Variants in LEMD3 observed in about 807,000 individuals in gnomAD.
The protein encoded by LEMD3 is inner nuclear membrane protein Man1.
A neutral mutation model predicts 95.2 loss-of-function variants in LEMD3; 33 were observed. That is an observed-to-expected ratio of 0.35 (90% CI 0.26 to 0.46). The LOEUF (loss-of-function observed/expected upper bound fraction) is 0.46. LEMD3 is among the 20% of genes least tolerant of loss of function. The pLI is 1.00. For missense variants in LEMD3, 1,210 were observed against 1,192.8 expected (o/e 1.01, Z -0.21); for synonymous variants, 525 against 474.6 (o/e 1.11, Z -1.38).
Position 65,223,142 on chromosome 12 carries a change from T to A in LEMD3, c.1695+4523T>A, listed in dbSNP as rs566018071. ...GGGTGGAATTTTCTGTATATTTCTG[T>A]TAGATCCATTTGATCTATAATTGTT... On this transcript the variant is annotated intron_variant, in intron 4 of 12. Transcript: ENST00000308330. 4.6e-5 allele frequency among the ~76,000 whole-genome samples: 7 copies of A among 152,234 alleles called. No individual in the cohort carries two copies. In the South Asian group the frequency reaches 1.5e-3, roughly 32 times the overall value.
chr12:65,195,448 G>A (rs1424107232), intron 1 of LEMD3, among the ~76,000 whole-genome samples: 2 of 150,376 alleles, frequency 1.3e-5, no homozygotes, highest in African/African-American at 4.9e-5. Context: ...AGATGGCTAC[G>A]CTTCTTATTG....
Position 65,169,908 on chromosome 12 carries a change from T to C in LEMD3, c.312T>C (p.Pro104=). Residue 104 remains proline (P), a synonymous_variant, in exon 1 of 13, where the codon CCT becomes CCC. Coordinates refer to ENST00000308330, the MANE Select transcript of LEMD3 (RefSeq NM_014319.5). The part of the protein sequence containing the change: ...VSGDLSYLRT[P]GGLCRISASG... ...GCGACCTCTCCTACTTACGGACTCC[T>C]GGGGGCCTGTGCCGAATCTCGGCCT... 1 of 1,451,710 alleles carries C rather than the reference T, an allele frequency of 6.9e-7. No homozygotes were observed. Among genetic ancestry groups the C allele is most frequent in the South Asian group, 1.5e-5 (1 of 68,186 alleles). The allele number at this position is 1,451,710 out of a possible 1,614,324, so 89.9% of individuals were successfully genotyped here.
chr12:65,199,612 A>T (rs1264079537), intron 1 of LEMD3, among the ~76,000 whole-genome samples: 3 of 152,130 alleles, frequency 2.0e-5, no homozygotes, highest in African/African-American at 7.2e-5. Flanking sequence ...AAACCAAAAA[A>T]AAATTGTTAC....
intron 2 of LEMD3, among the ~76,000 whole-genome samples, chr12:65,212,382 C>A (rs367911736): frequency 7.2e-5 from 11 of 151,870 alleles, no homozygotes; most frequent in African/African-American, 2.7e-4. Flanking sequence ...TTAAAATATC[C>A]TTGAAGAGTC....
At chr12:65,197,363 A>T (rs1336818853) in intron 1 of LEMD3, among the ~76,000 whole-genome samples, 7 of 152,118 alleles carry the variant, frequency 4.6e-5, no homozygotes, top group African/African-American at 7.2e-5. Context: ...TCACTCCACT[A>T]CAAGTAGAAG....
Position 65,170,354 on chromosome 12 carries a change from G to A in LEMD3, c.758G>A (p.Ser253Asn), listed in dbSNP as rs1193749369. 1 of 1,610,804 alleles carries A rather than the reference G, an allele frequency of 6.2e-7. No individual in the cohort carries two copies. The highest frequency in any genetic ancestry group is 1.3e-5 in the African/African-American group (1 of 74,954). Residue 253 changes from serine to asparagine, a missense_variant, in exon 1 of 13, where the codon AGC becomes AAC. Ser to Asn is a conservative substitution (Grantham distance 46). This residue lies in a region of LEMD3 where 749 missense variants were observed against 622.9 expected (regional missense o/e 1.20). Transcript: ENST00000308330. ...TVNGSRLVPY[S>N]CRENYSDSEE... ...AATGGCAGCCGGCTTGTCCCCTACA[G>A]CTGCCGGGAAAACTATTCGGACTCA... is the stretch of plus-strand genomic sequence containing the variant.
intron 4 of LEMD3, among the ~76,000 whole-genome samples, chr12:65,237,930 T>C (rs1176674769): frequency 6.6e-6 from 1 of 152,130 alleles, no homozygotes; most frequent in African/African-American, 2.4e-5. Context: ...TTTTTAAAAG[T>C]GGTAAATTCA....
intron 1 of LEMD3, among the ~76,000 whole-genome samples, chr12:65,180,064 C>G (rs956578690): frequency 6.6e-6 from 1 of 152,174 alleles, no homozygotes; most frequent in East Asian, 1.9e-4. Context: ...CCTGCCTCCA[C>G]CTCCCAAGTA....
rs756414909 is a variant in LEMD3 at position 65,169,618 on chromosome 12, G to T, written c.22G>T (p.Ala8Ser). 1.3e-6 allele frequency: 2 copies of T among 1,588,600 alleles called. No individual in the cohort carries two copies. The highest frequency in any genetic ancestry group is 1.1e-5 in the South Asian group (1 of 87,784). MAAAAAS[A>S]PQQLSDEELF... is the part of the protein sequence containing the mutation. ...GAAAATGGCGGCGGCAGCAGCTTCG[G>T]CGCCTCAGCAGCTCTCGGATGAGGA... The change falls in exon 1 of 13, where the codon GCG becomes TCG. Residue 8 changes from alanine to serine, a missense_variant. By Grantham distance (99) the Ala-to-Ser change is moderately conservative. This residue lies in a region of LEMD3 where 749 missense variants were observed against 622.9 expected (regional missense o/e 1.20). Transcript: ENST00000308330.
Position 65,243,438 on chromosome 12 carries a change from C to T in LEMD3, c.2356C>T (p.Leu786=), listed in dbSNP as rs1014241535. ...NSPPNSLTPC[L]KIRNMFDPVM... Reference sequence around the variant, plus strand: ...ACCACCAAATAGTTTGACACCGTGTCTAAAGATTCGGAATATGTTTGATCC... The same window carrying T: ...ACCACCAAATAGTTTGACACCGTGTTTAAAGATTCGGAATATGTTTGATCC... Residue 786 remains leucine, a synonymous_variant, in exon 10 of 13, where the codon CTA becomes TTA. Coordinates refer to ENST00000308330, the MANE Select transcript of LEMD3 (RefSeq NM_014319.5). 2 of 1,603,168 alleles carry T rather than the reference C, an allele frequency of 1.2e-6. No individual in the cohort carries two copies. Among genetic ancestry groups the T allele is most frequent in the Non-Finnish European group, 1.7e-6 (2 of 1,170,302 alleles).
At chr12:65,215,895 GTTT>G (rs67170565) in intron 2 of LEMD3, 79 bp from the exon 3 acceptor site, 23 of 446,824 alleles carry the variant, frequency 5.1e-5, no homozygotes, top group African/African-American at 2.3e-4. Flanking sequence ...TAAATTTACT[GTTT>G]TTTTTTTTTT....
intron 1 of LEMD3, among the ~76,000 whole-genome samples, chr12:65,209,147 A>G (rs532705008): frequency 1.1e-4 from 16 of 152,260 alleles, no homozygotes; most frequent in African/African-American, 3.8e-4. Context: ...GGGCATGCAC[A>G]TGTGTATAAC....
chr12:65,218,765 G>T, intron 4 of LEMD3, 146 bp downstream of exon 4: 3 of 385,464 alleles, frequency 7.8e-6, no homozygotes, highest in East Asian at 5.6e-5. Flanking sequence ...GCAGTTATGA[G>T]AAAGTAAAAT....
At chr12:65,179,272 A>G (rs923961062) in intron 1 of LEMD3, among the ~76,000 whole-genome samples, 8 of 151,984 alleles carry the variant, frequency 5.3e-5, no homozygotes, top group African/African-American at 1.2e-4. Flanking sequence ...TTATACTCAT[A>G]TATGTTTTAA....
chr12:65,227,955 T>C (rs934565024), intron 4 of LEMD3, among the ~76,000 whole-genome samples: 1 of 152,176 alleles, frequency 6.6e-6, no homozygotes, highest in African/African-American at 2.4e-5. Context: ...TTGACTCTAT[T>C]CAGTATTTCA....
chr12:65,217,102 A>C (rs1393628428), intron 3 of LEMD3, among the ~76,000 whole-genome samples: 4 of 152,176 alleles, frequency 2.6e-5, no homozygotes, highest in African/African-American at 9.7e-5. Context: ...AAATCAGCAT[A>C]ATCTGATGTG....
At chr12:65,237,480 A>G (rs897696910) in intron 4 of LEMD3, among the ~76,000 whole-genome samples, 6 of 152,212 alleles carry the variant, frequency 3.9e-5, no homozygotes, top group Non-Finnish European at 5.9e-5. Flanking sequence ...GTTAGTTGCA[A>G]TGTGGAATGT....
chr12:65,240,764 A>C (rs1870911535), intron 8 of LEMD3, 145 bp from the exon 9 acceptor site: 1 of 688,120 alleles, frequency 1.5e-6, no homozygotes, highest in Non-Finnish European at 2.5e-6. Context: ...ATCTGAGATG[A>C]GATATAGGCA....
intron 1 of LEMD3, 28 bp from the exon 2 acceptor site, chr12:65,210,898 T>C (rs2136335805): frequency 6.5e-7 from 1 of 1,545,664 alleles, no homozygotes; most frequent in East Asian, 2.2e-5. Context: ...GTGATGCTAA[T>C]ACTTGTCTTT....
Sources: gnomAD v4.1 joint callset for allele counts (sites outside exome capture counted in the v4.1 genomes callset) on GRCh38, gnomAD v4.1.1 for gene constraint, gnomAD v4.1.1 regional missense constraint, MANE v1.5 for transcripts, NCBI Gene and HGNC (gene_info 2026-07-23, HGNC 2026-07-21) for gene names.